The following SSUH2 variants were observed in gnomAD, a reference collection of about 807,000 sequenced individuals.
SSUH2 encodes the protein ssu-2 homolog.
SSUH2 carries 47 observed loss-of-function variants against 55.3 expected under a neutral mutation model. That is an observed-to-expected ratio of 0.85 (90% CI 0.67 to 1.08). The LOEUF is 1.08. Among genes scored for constraint, SSUH2 ranks in the 50% least tolerant of loss-of-function variants. The pLI is 0.00. For missense variants in SSUH2, 535 were observed against 490.7 expected (o/e 1.09, Z -0.85); for synonymous variants, 212 against 191.5 (o/e 1.11, Z -0.89).
intron 11 of SSUH2, 128 bp from the exon 12 acceptor site, chr3:8,620,142 G>A: frequency 2.0e-6 from 2 of 1,020,178 alleles, no homozygotes; most frequent in Non-Finnish European, 2.8e-6. Flanking sequence ...CATTCAATAT[G>A]GTTTGGCTCT....
intron 1 of SSUH2, 131 bp from the exon 2 acceptor site, chr3:8,635,988 T>A: frequency 1.4e-6 from 1 of 697,764 alleles, no homozygotes. Flanking sequence ...CACTCTGGCA[T>A]CCTTAGGACA....
chr3:8,661,977 C>G (rs1703539205), intron 6 of SSUH2, among the ~76,000 whole-genome samples: 1 of 152,228 alleles, frequency 6.6e-6, no homozygotes, highest in Non-Finnish European at 1.5e-5. Context: ...TCTCTCTTGT[C>G]TGCTTCCATG....
chr3:8,639,281 C>A (rs982806570), intron 1 of SSUH2, among the ~76,000 whole-genome samples: 1 of 152,230 alleles, frequency 6.6e-6, no homozygotes, highest in Non-Finnish European at 1.5e-5. Context: ...CCCTAACACA[C>A]ACATTGTGTC....
chr3:8,665,479 C>A (rs1349255501), intron 5 of SSUH2, among the ~76,000 whole-genome samples: 1 of 152,160 alleles, frequency 6.6e-6, no homozygotes, highest in East Asian at 1.9e-4. Flanking sequence ...AAATTTAATG[C>A]AACTTCCACA....
chr3:8,665,293 A>C (rs1703892929), intron 5 of SSUH2, among the ~76,000 whole-genome samples: 1 of 152,178 alleles, frequency 6.6e-6, no homozygotes, highest in Non-Finnish European at 1.5e-5. Context: ...AGAGAGAAGA[A>C]AGGAGAAGCA....
At chr3:8,681,465 AC>A (rs1192561878) in intron 1 of SSUH2, among the ~76,000 whole-genome samples, 11 of 111,470 alleles carry the variant, frequency 9.9e-5, no homozygotes, top group African/African-American at 3.9e-4. Flanking sequence ...GGCTCTTAGG[AC>A]CCCCGTCGTA....
exon 3 of SSUH2, chr3:8,677,342 A>G (rs532396395): frequency 1.3e-5 from 2 of 151,506 alleles, no homozygotes; most frequent in Admixed American, 1.3e-4. Context: ...GTCATTTGCA[A>G]TCTATCGGAG....
chr3:8,635,254 T>A, intron 3 of SSUH2, 46 bp downstream of exon 3: 1 of 1,469,572 alleles, frequency 6.8e-7, no homozygotes, highest in South Asian at 1.2e-5. Flanking sequence ...GGGGCAATAG[T>A]GACATAGGAA....
At chr3:8,628,894 C>T (rs549131606) in intron 7 of SSUH2, among the ~76,000 whole-genome samples, 2 of 152,340 alleles carry the variant, frequency 1.3e-5, no homozygotes, top group African/African-American at 2.4e-5. Context: ...CTTGCTCTGT[C>T]GCCCAGGCGG....
chr3:8,672,839 T>C (rs919505348), intron 3 of SSUH2, among the ~76,000 whole-genome samples: 1 of 152,128 alleles, frequency 6.6e-6, no homozygotes, highest in Non-Finnish European at 1.5e-5. Flanking sequence ...CACTGCTATC[T>C]TGGGAGTAAC....
rs549435366 is a variant in SSUH2 at position 8,680,592 on chromosome 3, G to A, written c.-1045-743C>T. Among the ~76,000 whole-genome samples the A allele has an allele frequency of 2.6e-5, 4 of 152,076 alleles. No homozygotes were observed. The South Asian group carries it at 8.3e-4, about 32-fold the overall frequency. On this transcript the variant is annotated intron_variant, in intron 1 of 18. Transcript: ENST00000317371. ...TGAAATTAGAAACAATATCAGTGAG[G>A]GCGTGTCCACCTTCTGTCATATTGA...
chr3:8,674,466 C>T (rs766381156), intron 3 of SSUH2, among the ~76,000 whole-genome samples: 23 of 152,132 alleles, frequency 1.5e-4, no homozygotes, highest in Non-Finnish European at 3.1e-4. Context: ...GAATGATGGT[C>T]GGGGTAGAGA....
chr3:8,670,274 T>C (rs537249050), intron 5 of SSUH2, among the ~76,000 whole-genome samples: 79 of 152,240 alleles, frequency 5.2e-4, no homozygotes, highest in Non-Finnish European at 7.1e-4. Flanking sequence ...TCTGCCGACC[T>C]TACAGATCAC....
intron 5 of SSUH2, among the ~76,000 whole-genome samples, chr3:8,666,628 C>A (rs1704016073): frequency 6.6e-6 from 1 of 152,168 alleles, no homozygotes; most frequent in South Asian, 2.1e-4. Flanking sequence ...CATCTGTGAC[C>A]AAATGTAGGC....
At chr3:8,662,873 T>C (rs1049162714) in intron 6 of SSUH2, among the ~76,000 whole-genome samples, 1 of 152,242 alleles carries the variant, frequency 6.6e-6, no homozygotes, top group African/African-American at 2.4e-5. Context: ...GGTACTGACT[T>C]GGGACAAATT....
chr3:8,662,084 G>A (rs1437593556), intron 6 of SSUH2, among the ~76,000 whole-genome samples: 1 of 152,060 alleles, frequency 6.6e-6, no homozygotes, highest in Non-Finnish European at 1.5e-5. Context: ...TAAATTATCC[G>A]GTCTCAGGTA....
chr3:8,643,865 G>A (rs972051149), intron 1 of SSUH2, among the ~76,000 whole-genome samples: 1 of 152,060 alleles, frequency 6.6e-6, no homozygotes, highest in Non-Finnish European at 1.5e-5. Flanking sequence ...TCGTTTTATA[G>A]ATGAGAATAT....
intron 10 of SSUH2, among the ~76,000 whole-genome samples, 154 bp downstream of exon 10, chr3:8,625,388 C>G (rs948318122): frequency 6.6e-6 from 1 of 152,126 alleles, no homozygotes; most frequent in African/African-American, 2.4e-5. Context: ...AGCCCCCAGG[C>G]TCCCCACAGC....
At chr3:8,657,297 G>C (rs2125347563) in intron 7 of SSUH2, among the ~76,000 whole-genome samples, 1 of 95,176 alleles carries the variant, frequency 1.1e-5, no homozygotes, top group Non-Finnish European at 2.4e-5. Flanking sequence ...ATGAGTATTT[G>C]TTGAATAGGT....
Sources: gnomAD v4.1 joint callset for allele counts (sites outside exome capture counted in the v4.1 genomes callset) on GRCh38, gnomAD v4.1.1 for gene constraint, MANE v1.5 for transcripts, NCBI Gene and HGNC (gene_info 2026-07-23, HGNC 2026-07-21) for gene names.